NECTIN3: variants seen among roughly 807,000 people sequenced by gnomAD.
NECTIN3 encodes the protein nectin-3.
Under a neutral mutation model 49.4 loss-of-function variants are expected in NECTIN3, and 8 were observed. That is an observed-to-expected ratio of 0.16 (90% CI 0.10 to 0.29). The LOEUF (loss-of-function observed/expected upper bound fraction) is 0.29. Ranked by LOEUF, NECTIN3 falls within the 10% of genes least tolerant of loss-of-function variation. The probability of loss-of-function intolerance (pLI) is 1.00; values close to 1 mark genes in which losing one functional copy is unlikely to be tolerated. For missense variants in NECTIN3, 581 were observed against 654.6 expected, an observed-to-expected ratio of 0.89 and a Z score of 1.23; for synonymous variants, 277 against 241.1, an observed-to-expected ratio of 1.15 and a Z score of -1.38.
intron 7 of NECTIN3, among the ~76,000 whole-genome samples, chr3:111,150,789 C>T (rs1300358150): frequency 1.3e-5 from 2 of 151,632 alleles, no homozygotes; most frequent in Non-Finnish European, 3.0e-5. Flanking sequence ...GAAAATCAAA[C>T]TTTCCTCTTT....
chr3:111,132,758 T>C (rs537929327), intron 5 of NECTIN3, among the ~76,000 whole-genome samples: 51 of 152,060 alleles, frequency 3.4e-4, no homozygotes, highest in African/African-American at 9.6e-4. Flanking sequence ...GCTGTTCTTT[T>C]TGAGACTCCA....
At chr3:111,121,420 A>G (rs1204464856) in intron 3 of NECTIN3, among the ~76,000 whole-genome samples, 3 of 152,120 alleles carry the variant, frequency 2.0e-5, no homozygotes, top group East Asian at 1.9e-4. Flanking sequence ...GGAAGTATAT[A>G]TTTATATTGC....
chr3:111,192,400 A>G (rs1179625018), exon 1 of NECTIN3: 17 of 1,535,606 alleles, frequency 1.1e-5, no homozygotes, highest in Admixed American at 9.8e-5. Flanking sequence ...GAAGTTGGCA[A>G]TCTTCAGCAC....
At chr3:111,093,135 G>A (rs971029429) in intron 1 of NECTIN3, among the ~76,000 whole-genome samples, 1 of 152,090 alleles carries the variant, frequency 6.6e-6, no homozygotes, top group African/African-American at 2.4e-5. Flanking sequence ...TGTGTATTGA[G>A]CTTGTATCCT....
chr3:111,072,878 G>A (rs1019357298), intron 1 of NECTIN3: 6 of 270,612 alleles, frequency 2.2e-5, no homozygotes. Flanking sequence ...TGTGTGCCCC[G>A]GCTGTTCTAA....
intron 1 of NECTIN3, among the ~76,000 whole-genome samples, chr3:111,095,746 G>T (rs1306450789): frequency 1.3e-5 from 2 of 152,170 alleles, no homozygotes; most frequent in African/African-American, 4.8e-5. Flanking sequence ...ACAAAGGGGA[G>T]TTTCCTTGCA....
At chr3:111,148,569 G>C (rs1448593002) in intron 7 of NECTIN3, among the ~76,000 whole-genome samples, 1 of 152,058 alleles carries the variant, frequency 6.6e-6, no homozygotes, top group Non-Finnish European at 1.5e-5. Flanking sequence ...TTTTGTTTTG[G>C]TTTTGGTCTG....
chr3:111,151,615 A>G (rs563076177), intron 7 of NECTIN3, among the ~76,000 whole-genome samples: 5 of 152,016 alleles, frequency 3.3e-5, no homozygotes, highest in South Asian at 4.1e-4. Flanking sequence ...ATAGAGATCT[A>G]TTGAACACCT....
chr3:111,116,985 C>A (rs573479789), intron 2 of NECTIN3, among the ~76,000 whole-genome samples: 63 of 152,152 alleles, frequency 4.1e-4, no homozygotes, highest in African/African-American at 1.4e-3. Flanking sequence ...TAGGGATATA[C>A]TTGTGCACAA....
intron 2 of NECTIN3, among the ~76,000 whole-genome samples, chr3:111,112,881 A>C (rs972475519): frequency 2.6e-5 from 4 of 152,146 alleles, no homozygotes; most frequent in African/African-American, 9.7e-5. Context: ...ATTTCCTATG[A>C]TACCTGTTAA....
intron 7 of NECTIN3, among the ~76,000 whole-genome samples, chr3:111,176,138 G>A (rs950013236): frequency 3.9e-5 from 6 of 152,156 alleles, no homozygotes; most frequent in Non-Finnish European, 8.8e-5. Context: ...TATGAATTAC[G>A]TGTACATGAA....
intron 1 of NECTIN3, among the ~76,000 whole-genome samples, chr3:111,082,392 G>A (rs1241624337): frequency 6.6e-6 from 1 of 151,928 alleles, no homozygotes; most frequent in East Asian, 1.9e-4. Flanking sequence ...AAGAGAGAGA[G>A]TGAGAAGAAA....
chr3:111,076,755 A>G (rs2031226906), intron 1 of NECTIN3, among the ~76,000 whole-genome samples: 2 of 152,092 alleles, frequency 1.3e-5, no homozygotes, highest in Admixed American at 6.6e-5. Flanking sequence ...AGGGCAGATC[A>G]CTTTGGGTCA....
At chr3:111,188,367 T>C (rs1353878293), upstream of NECTIN3, among the ~76,000 whole-genome samples, 1 of 152,184 alleles carries the variant, frequency 6.6e-6, no homozygotes, top group Non-Finnish European at 1.5e-5. Flanking sequence ...AATATTATAT[T>C]ACAAAAGTTA....
At chr3:111,187,016 A>G (rs2035732291) in intron 7 of NECTIN3, among the ~76,000 whole-genome samples, 1 of 152,170 alleles carries the variant, frequency 6.6e-6, no homozygotes, top group African/African-American at 2.4e-5. Context: ...TTACTTTTTT[A>G]AAGAAATACC....
intron 2 of NECTIN3, among the ~76,000 whole-genome samples, chr3:111,112,603 T>A (rs927162641): frequency 5.3e-5 from 8 of 152,170 alleles, no homozygotes. Context: ...TTTATCTAGT[T>A]TCTTTATGAA....
At chr3:111,088,189 C>T (rs1196282921) in intron 1 of NECTIN3, among the ~76,000 whole-genome samples, 1 of 152,064 alleles carries the variant, frequency 6.6e-6, no homozygotes, top group East Asian at 1.9e-4. Flanking sequence ...TGAGTTCTCA[C>T]TCTTATTAAT....
intron 2 of NECTIN3, among the ~76,000 whole-genome samples, chr3:111,112,626 G>A (rs1325802804): frequency 1.3e-5 from 2 of 151,978 alleles, no homozygotes; most frequent in Non-Finnish European, 2.9e-5. Flanking sequence ...ATAGTGATGA[G>A]TTTTAATTAT....
upstream of NECTIN3, among the ~76,000 whole-genome samples, chr3:111,189,011 G>A (rs2035769713): frequency 6.6e-6 from 1 of 152,104 alleles, no homozygotes; most frequent in East Asian, 1.9e-4. Context: ...GAATAGTCAA[G>A]GACTATGTTG....
Sources: gnomAD v4.1 joint callset for allele counts (sites outside exome capture counted in the v4.1 genomes callset) on GRCh38, gnomAD v4.1.1 for gene constraint, MANE v1.5 for transcripts, NCBI Gene and HGNC (gene_info 2026-07-23, HGNC 2026-07-21) for gene names.